The following RHBDF2 variants were observed in gnomAD, a reference collection of about 807,000 sequenced individuals.
RHBDF2 encodes the protein rhomboid 5 homolog 2, also known as inactive rhomboid protein 2.
Under a neutral mutation model 95.2 loss-of-function variants are expected in RHBDF2, and 38 were observed. The ratio of observed to expected loss-of-function variants is 0.40; its 90% confidence interval spans 0.31 to 0.52. The LOEUF is 0.52. Among genes scored for constraint, RHBDF2 ranks in the 20% least tolerant of loss-of-function variants. The pLI is 0.56. For synonymous variants in RHBDF2, 442 were observed against 462.0 expected, an observed-to-expected ratio of 0.96 and a Z score of 0.55; for missense variants, 863 against 1,137.7, an observed-to-expected ratio of 0.76 and a Z score of 3.47.
At chr17:76,481,940 A>G (rs2073980025) in intron 2 of RHBDF2, 1 of 170,386 alleles carries the variant, frequency 5.9e-6, no homozygotes, top group Non-Finnish European at 1.2e-5. Flanking sequence ...ACAGAGCAAG[A>G]CTCTGTCTGA....
chr17:76,479,620 G>A (rs1273474290), intron 4 of RHBDF2, 113 bp downstream of exon 4: 6 of 801,802 alleles, frequency 7.5e-6, no homozygotes, highest in Non-Finnish European at 1.2e-5. Flanking sequence ...CATTAATGCC[G>A]GCCTCCTCCT....
In RHBDF2 at chr17:76,471,813, G is replaced by A. The variant is rs200392451; in HGVS notation, c.2304C>T (p.Asp768=). 7.5e-6 allele frequency: 12 copies of A among 1,601,998 alleles called. No individual in the cohort carries two copies. The Admixed American group carries it at 1.9e-4, about 25-fold the overall frequency. ...FLPYITFGTS[D]KYRKRALILV... ...GGATGAGTGCCCGCTTGCGGTACTT[G>A]TCGCTGGTGCCGAAGGTGATGTAGG... Residue 768 remains aspartate, a synonymous_variant, in exon 19 of 19, where the codon GAC becomes GAT. Transcript: ENST00000675367.
intron 1 of RHBDF2, among the ~76,000 whole-genome samples, chr17:76,498,697 G>A (rs1039859852): frequency 6.6e-6 from 1 of 152,158 alleles, no homozygotes; most frequent in Admixed American, 6.5e-5. Context: ...GCAGGACTCG[G>A]GCCCCAAGTG....
intron 1 of RHBDF2, among the ~76,000 whole-genome samples, chr17:76,491,127 C>T (rs545187916): frequency 5.9e-5 from 9 of 152,210 alleles, no homozygotes; most frequent in Admixed American, 2.6e-4. Context: ...CTGCTGGCTC[C>T]GTACCCACAG....
chr17:76,479,895 G>A, intron 3 of RHBDF2, 41 bp from the exon 4 acceptor site: 1 of 1,607,944 alleles, frequency 6.2e-7, no homozygotes, highest in Non-Finnish European at 8.5e-7. Flanking sequence ...GGTGTGTGCA[G>A]CCCAGGTCCT....
At chr17:76,475,224 C>T (rs2073733138) in intron 9 of RHBDF2, 83 bp from the exon 10 acceptor site, 1 of 968,868 alleles carries the variant, frequency 1.0e-6, no homozygotes, top group Non-Finnish European at 1.6e-6. Context: ...CTGGCCTGGT[C>T]ACATGGCTCG....
intron 1 of RHBDF2, among the ~76,000 whole-genome samples, chr17:76,489,191 C>T (rs1482960368): frequency 6.6e-6 from 1 of 152,212 alleles, no homozygotes; most frequent in Non-Finnish European, 1.5e-5. Context: ...GAATTACTAA[C>T]TGCCTTCTGA....
chr17:76,474,182 A>G (rs978673874), intron 12 of RHBDF2, 40 bp from the exon 13 acceptor site: 2 of 1,461,292 alleles, frequency 1.4e-6, no homozygotes, highest in African/African-American at 1.4e-5. Context: ...TGTCGGGGCC[A>G]GGTCACCCCC....
At position 76,471,864 on chromosome 17, in the gene RHBDF2, G is replaced by T. The variant is rs541926761; in HGVS notation, c.2253C>A (p.Gly751=). Residue 751 remains glycine (G), a synonymous_variant, in exon 19 of 19, where the codon GGC becomes GGA. Coordinates refer to ENST00000675367, the MANE Select transcript of RHBDF2 (RefSeq NM_001005498.4). ...GCAGGAAGGCGAAGGCCAGCAGCAG[G>T]CCACTGAGGAAGCCGAAGATGTGGG... is the stretch of plus-strand genomic sequence containing the variant. ...NIAHIFGFLS[G]LLLAFAFLPY... The T allele has an allele frequency of 2.5e-6, 4 of 1,589,494 alleles. No homozygotes were observed. The highest frequency in any genetic ancestry group is 3.4e-6 in the Non-Finnish European group (4 of 1,167,914).
At chr17:76,494,249 C>T (rs1335686611) in intron 1 of RHBDF2, among the ~76,000 whole-genome samples, 1 of 152,208 alleles carries the variant, frequency 6.6e-6, no homozygotes, top group African/African-American at 2.4e-5. Context: ...ACAAATGCCC[C>T]CTCCTCGGCT....
Position 76,474,730 on chromosome 17 carries a change from C to T in RHBDF2, c.1302G>A (p.Ser434=), listed in dbSNP as rs1355598816. 1.1e-5 allele frequency: 17 copies of T among 1,614,200 alleles called. No homozygotes were observed. The highest frequency in any genetic ancestry group is 2.2e-5 in the East Asian group (1 of 44,884). The change falls in exon 11 of 19, where the codon TCG becomes TCA. Residue 434 remains serine (S), a splice_region_variant and synonymous_variant. Transcript: ENST00000675367. Reference sequence around the variant, plus strand: ...GATGTCCCCCAGCCTGGGCCCTCACCGAGCTGGGGCCAACCCAGAAGTTCT... The same window carrying T: ...GATGTCCCCCAGCCTGGGCCCTCACTGAGCTGGGGCCAACCCAGAAGTTCT... The part of the protein sequence containing the change: ...QQENFWVGPS[S]IDLIHLGAKF...
chr17:76,485,579 G>C (rs867056325), intron 2 of RHBDF2, among the ~76,000 whole-genome samples: 1 of 152,092 alleles, frequency 6.6e-6, no homozygotes, highest in Non-Finnish European at 1.5e-5. Context: ...GGGCGACAGA[G>C]TGAGACTCCG....
chr17:76,473,757 C>A lies in RHBDF2; in HGVS notation c.1639-15G>T, dbSNP rs539857031. 1.2e-5 allele frequency: 19 copies of A among 1,611,480 alleles called. No individual in the cohort carries two copies. In the Admixed American group the frequency reaches 2.0e-4, roughly 17 times the overall value. On this transcript the variant is annotated splice_polypyrimidine_tract_variant and intron_variant, in intron 14 of 18. Coordinates refer to ENST00000675367, the MANE Select transcript of RHBDF2 (RefSeq NM_001005498.4). ...TCTGTGCAGATCTGCCAGGAGGGGG[C>A]ACCGGCAGGGAAGTGGGCTGTGCAG...
intron 7 of RHBDF2, 81 bp downstream of exon 7, chr17:76,477,576 A>C (rs536925115): frequency 1.5e-5 from 23 of 1,484,470 alleles, no homozygotes; most frequent in Admixed American, 6.9e-5. Flanking sequence ...GGGGTTCCTG[A>C]ATATGATCAA....
At position 76,471,674 on chromosome 17, in the gene RHBDF2, G is replaced by C. The variant is rs780242428; in HGVS notation, c.2443C>G (p.Arg815Gly). 1.2e-6 allele frequency: 2 copies of C among 1,610,508 alleles called. No individual in the cohort carries two copies. Among genetic ancestry groups the C allele is most frequent in the Non-Finnish European group, 1.7e-6 (2 of 1,178,524 alleles). ...TCCAGCTCATACTTCTCGCAGAAGCGGCTGGTGAAGGGGAAGCAGGTGAGG... is the reference window on the plus strand; with the variant it reads ...TCCAGCTCATACTTCTCGCAGAAGCCGCTGGTGAAGGGGAAGCAGGTGAGG... ...EHLTCFPFTS[R>G]FCEKYELDQV... Residue 815 changes from arginine (R) to glycine (G), a missense_variant, in exon 19 of 19, where the codon CGC (arginine) becomes GGC (glycine). By Grantham distance (125) the Arg-to-Gly change is moderately radical (BLOSUM62 -2). This residue lies in a region of RHBDF2 where 252 missense variants were observed against 412.2 expected (regional missense o/e 0.61). Coordinates refer to ENST00000675367, the MANE Select transcript of RHBDF2 (RefSeq NM_001005498.4).
At chr17:76,479,708 T>C in intron 4 of RHBDF2, 25 bp downstream of exon 4, 2 of 1,575,524 alleles carry the variant, frequency 1.3e-6, no homozygotes, top group Non-Finnish European at 1.7e-6. Flanking sequence ...TGGGGGGTGC[T>C]GGGCTTGGGT....
Position 76,471,602 on chromosome 17 carries a change from AG to A in RHBDF2, c.*30del, listed in dbSNP as rs781771830. ...CCTCGCAGGCAGACCCTGTTCCAGC[AG>A]GGCTGAGGGGCAGCCGTGTGGCCCA... On this transcript the variant is annotated 3_prime_UTR_variant, in exon 19 of 19. Transcript: ENST00000675367. 74 of 1,549,354 alleles carry A rather than the reference AG, an allele frequency of 4.8e-5. No individual in the cohort carries two copies. The African/African-American group carries it at 9.8e-4, about 20-fold the overall frequency.
intron 1 of RHBDF2, among the ~76,000 whole-genome samples, chr17:76,497,412 C>T (rs1478255013): frequency 6.6e-6 from 1 of 152,170 alleles, no homozygotes; most frequent in Admixed American, 6.5e-5. Flanking sequence ...CTTCCCTTGG[C>T]CAGCAAGGCA....
chr17:76,498,745 T>C (rs1170470486), intron 1 of RHBDF2, among the ~76,000 whole-genome samples: 2 of 151,532 alleles, frequency 1.3e-5, no homozygotes, highest in Non-Finnish European at 2.9e-5. Flanking sequence ...TTATTCCTCC[T>C]CTTATAGGAA....
Sources: gnomAD v4.1 joint callset for allele counts (sites outside exome capture counted in the v4.1 genomes callset) on GRCh38, gnomAD v4.1.1 for gene constraint, gnomAD v4.1.1 regional missense constraint, MANE v1.5 for transcripts, NCBI Gene and HGNC (gene_info 2026-07-23, HGNC 2026-07-21) for gene names.